The following ADGRB3 variants were observed in gnomAD, a reference collection of about 807,000 sequenced individuals.
The protein encoded by ADGRB3 is adhesion G protein-coupled receptor B3.
A neutral mutation model predicts 193.4 loss-of-function variants in ADGRB3; 37 were observed. The observed-to-expected ratio is 0.19, with a 90% CI of 0.15 to 0.25. The LOEUF (loss-of-function observed/expected upper bound fraction) is 0.25. Ranked by LOEUF, ADGRB3 falls within the 10% of genes least tolerant of loss-of-function variation. The probability of loss-of-function intolerance (pLI) is 1.00; values close to 1 mark genes in which losing one functional copy is unlikely to be tolerated. For synonymous variants in ADGRB3, 690 were observed against 644.2 expected, an observed-to-expected ratio of 1.07 and a Z score of -1.08; for missense variants, 1,637 against 1,852.9, an observed-to-expected ratio of 0.88 and a Z score of 2.14.
intron 3 of ADGRB3, among the ~76,000 whole-genome samples, chr6:68,744,941 C>G (rs1037743848): frequency 6.6e-6 from 1 of 152,012 alleles, no homozygotes. Flanking sequence ...ATCTGAAAAT[C>G]TAAGTAAAGC....
At chr6:68,967,942 C>T (rs1211731336) in intron 8 of ADGRB3, among the ~76,000 whole-genome samples, 3 of 152,026 alleles carry the variant, frequency 2.0e-5, no homozygotes, top group Non-Finnish European at 4.4e-5. Context: ...TGCACACAAG[C>T]TCTGAGGTTG....
intron 20 of ADGRB3, among the ~76,000 whole-genome samples, chr6:69,324,142 T>G (rs1468724765): frequency 6.6e-6 from 1 of 152,130 alleles, no homozygotes; most frequent in Non-Finnish European, 1.5e-5. Flanking sequence ...TCACAACTAA[T>G]GATAAGCACA....
chr6:68,710,598 A>G (rs1765393233), intron 3 of ADGRB3, among the ~76,000 whole-genome samples: 1 of 152,114 alleles, frequency 6.6e-6, no homozygotes, highest in African/African-American at 2.4e-5. Context: ...TCCTGACACA[A>G]TGACCTTGAG....
intron 3 of ADGRB3, among the ~76,000 whole-genome samples, chr6:68,864,518 A>G (rs1478438894): frequency 1.7e-5 from 2 of 116,540 alleles, no homozygotes; most frequent in Non-Finnish European, 4.1e-5. Context: ...ACATTCTTGG[A>G]TAGGAAGAGA....
intron 17 of ADGRB3, among the ~76,000 whole-genome samples, chr6:69,104,927 C>T (rs1204571583): frequency 6.6e-6 from 1 of 151,980 alleles, no homozygotes; most frequent in Non-Finnish European, 1.5e-5. Flanking sequence ...TGGGAGACAC[C>T]GGATATCATA....
At chr6:68,841,094 T>A (rs896055698) in intron 3 of ADGRB3, among the ~76,000 whole-genome samples, 13 of 149,364 alleles carry the variant, frequency 8.7e-5, no homozygotes, top group African/African-American at 2.9e-4. Flanking sequence ...AGCACCCCAA[T>A]ATAGAAAACA....
chr6:69,096,621 T>A (rs1772885838), intron 17 of ADGRB3, among the ~76,000 whole-genome samples: 1 of 152,196 alleles, frequency 6.6e-6, no homozygotes, highest in African/African-American at 2.4e-5. Context: ...ATAATCTTGC[T>A]CATAGTTTGT....
At chr6:68,735,861 G>A (rs899767144) in intron 3 of ADGRB3, among the ~76,000 whole-genome samples, 1 of 152,074 alleles carries the variant, frequency 6.6e-6, no homozygotes, top group African/African-American at 2.4e-5. Flanking sequence ...GAAAGGTTTT[G>A]GATGAAAAGA....
intron 3 of ADGRB3, among the ~76,000 whole-genome samples, chr6:68,765,347 A>G (rs924273399): frequency 6.6e-6 from 1 of 152,126 alleles, no homozygotes; most frequent in African/African-American, 2.4e-5. Context: ...TAAGGAAGTT[A>G]CTTTCTACCC....
intron 30 of ADGRB3, among the ~76,000 whole-genome samples, chr6:69,382,187 G>T (rs1232155680): frequency 6.6e-6 from 1 of 151,878 alleles, no homozygotes; most frequent in Non-Finnish European, 1.5e-5. Flanking sequence ...CACAATTTAT[G>T]CTCTGAACCC....
At chr6:68,675,634 G>C (rs1444387049) in intron 3 of ADGRB3, among the ~76,000 whole-genome samples, 1 of 152,090 alleles carries the variant, frequency 6.6e-6, no homozygotes, top group Non-Finnish European at 1.5e-5. Flanking sequence ...AGCAGCACGA[G>C]TGAATGGATG....
At chr6:68,887,229 C>A (rs1765935710) in intron 3 of ADGRB3, among the ~76,000 whole-genome samples, 1 of 151,958 alleles carries the variant, frequency 6.6e-6, no homozygotes, top group African/African-American at 2.4e-5. Context: ...TTTCTCCCCC[C>A]AACAGGATAT....
chr6:68,982,857 G>A (rs1054553711), intron 10 of ADGRB3, among the ~76,000 whole-genome samples: 22 of 151,944 alleles, frequency 1.4e-4, no homozygotes, highest in Admixed American at 6.6e-5. Flanking sequence ...TGCCTCACCC[G>A]TGCTTGACCC....
chr6:68,875,804 G>A (rs972882915), intron 3 of ADGRB3, among the ~76,000 whole-genome samples: 16 of 151,990 alleles, frequency 1.1e-4, no homozygotes, highest in Non-Finnish European at 1.0e-4. Flanking sequence ...CTTTTCCTGA[G>A]AATGTATTAT....
chr6:68,702,584 C>A (rs965160802), intron 3 of ADGRB3, among the ~76,000 whole-genome samples: 1 of 152,114 alleles, frequency 6.6e-6, no homozygotes, highest in Non-Finnish European at 1.5e-5. Flanking sequence ...AGTTTCGCTG[C>A]TCTACAGAGT....
At chr6:69,040,380 TCTCTC>T (rs761649775) in intron 13 of ADGRB3, among the ~76,000 whole-genome samples, 1,936 of 59,602 alleles carry the variant, frequency 0.032, 146 homozygotes, top group East Asian at 0.22. Context: ...TTTCTTTCCT[TCTCTC>T]TCTTTCTTTC....
At chr6:68,669,308 CACA>C (rs1768882437) in intron 3 of ADGRB3, among the ~76,000 whole-genome samples, 1 of 151,742 alleles carries the variant, frequency 6.6e-6, no homozygotes, top group Non-Finnish European at 1.5e-5. Flanking sequence ...TATTTTATAG[CACA>C]ACATCTGTTC....
chr6:69,040,675 CAAAAAAAAAAAAAAAA>C (rs869146684), intron 13 of ADGRB3, among the ~76,000 whole-genome samples: 26 of 19,526 alleles, frequency 1.3e-3, no homozygotes, highest in African/African-American at 5.1e-3. Flanking sequence ...GACTGATGGA[CAAAAAAAAAAAAAAAA>C]AAAAAAAAAA....
At chr6:69,385,046 G>A (rs2127241607) in intron 31 of ADGRB3, among the ~76,000 whole-genome samples, 1 of 151,370 alleles carries the variant, frequency 6.6e-6, no homozygotes, top group East Asian at 1.9e-4. Flanking sequence ...AGAATTTGGG[G>A]AATCAAAGGG....
Sources: allele counts gnomAD v4.1 joint callset (sites outside exome capture counted in the v4.1 genomes callset), GRCh38; gene constraint gnomAD v4.1.1; transcripts MANE v1.5; gene names NCBI Gene and HGNC (gene_info 2026-07-23, HGNC 2026-07-21).